Variants in CEBPZOS observed in about 807,000 individuals in gnomAD.
The protein encoded by CEBPZOS is CEBPZ opposite strand.
CEBPZOS carries 10 observed loss-of-function variants against 4.8 expected under a neutral mutation model. That is an observed-to-expected ratio of 2.07 (90% CI 1.28 to 3.52). The LOEUF is 3.52. Ranked by LOEUF, CEBPZOS falls within the 30% of genes most tolerant of loss-of-function variation. CEBPZOS has a pLI of 0.00. For missense variants in CEBPZOS, 98 were observed against 43.6 expected, an observed-to-expected ratio of 2.25 and a Z score of -3.51; for synonymous variants, 25 against 14.2, an observed-to-expected ratio of 1.77 and a Z score of -1.72.
chr2:37,215,319 A>G (rs1677842170), downstream of CEBPZOS: 1 of 158,014 alleles, frequency 6.3e-6, no homozygotes, highest in South Asian at 2.0e-4. Flanking sequence ...TGTCATTTTC[A>G]GCTCAAAAAA....
intron 4 of CEBPZOS, chr2:37,211,948 C>G (rs192503385): frequency 6.2e-7 from 1 of 1,613,756 alleles, no homozygotes; most frequent in East Asian, 2.2e-5. Flanking sequence ...GAAACTTCAT[C>G]GTCATCCAGG....
At chr2:37,208,129 A>G (rs1159702279), downstream of CEBPZOS, among the ~76,000 whole-genome samples, 3 of 152,218 alleles carry the variant, frequency 2.0e-5, no homozygotes, top group Non-Finnish European at 4.4e-5. Context: ...ACAGACCAAT[A>G]ACAAGTAGCA....
chr2:37,215,007 CTCAA>C, downstream of CEBPZOS: 1 of 1,139,524 alleles, frequency 8.8e-7, no homozygotes, highest in South Asian at 1.3e-5. Flanking sequence ...CTTTATGTTA[CTCAA>C]GCTCTTAAGA....
At chr2:37,199,398 C>T (rs1048580472) in intron 1 of CEBPZOS, among the ~76,000 whole-genome samples, 1 of 152,172 alleles carries the variant, frequency 6.6e-6, no homozygotes, top group African/African-American at 2.4e-5. Context: ...CTTCCCCATT[C>T]TGTTTTCCTA....
chr2:37,200,366 C>T (rs1175827157), intron 2 of CEBPZOS, among the ~76,000 whole-genome samples: 1 of 152,098 alleles, frequency 6.6e-6, no homozygotes, highest in Non-Finnish European at 1.5e-5. Context: ...ATAGACCTGG[C>T]ATGATAGCCA....
intron 1 of CEBPZOS, 107 bp from the exon 2 acceptor site, chr2:37,199,597 C>A: frequency 1.6e-6 from 1 of 639,970 alleles, no homozygotes; most frequent in Non-Finnish European, 2.9e-6. Context: ...TACTCCCATA[C>A]AGAGAAGCCA....
chr2:37,212,285 A>G (rs998859972), intron 4 of CEBPZOS: 2 of 1,524,064 alleles, frequency 1.3e-6, no homozygotes, highest in Non-Finnish European at 1.8e-6. Context: ...GAGGGACAAC[A>G]ATTTGGGAAA....
intron 4 of CEBPZOS, chr2:37,210,708 AC>A: frequency 3.8e-6 from 1 of 264,528 alleles, no homozygotes. Context: ...CTCAGAAATC[AC>A]TACTAAAGAA....
Position 37,203,033 on chromosome 2 carries a change from T to A in CEBPZOS, c.*1173T>A. 1 of 1,415,942 alleles carries A rather than the reference T, an allele frequency of 7.1e-7. No individual in the cohort carries two copies. The highest frequency in any genetic ancestry group is 9.6e-7 in the Non-Finnish European group (1 of 1,042,874). The allele number at this position is 1,415,942 out of a possible 1,614,324, so 87.7% of individuals were successfully genotyped here. The stretch of plus-strand genomic sequence containing the variant: ...CCTAAAAAAAATTGTAAGTCTACAT[T>A]ATTCAATTATAAATCTAATGATTTT... On this transcript the variant is annotated 3_prime_UTR_variant, in exon 5 of 5. Transcript: ENST00000402297.
At chr2:37,205,551 C>T (rs1656522716), downstream of CEBPZOS, among the ~76,000 whole-genome samples, 1 of 152,218 alleles carries the variant, frequency 6.6e-6, no homozygotes, top group Admixed American at 6.5e-5. Flanking sequence ...TTTTCGGACT[C>T]AGCCCGCCTG....
downstream of CEBPZOS, chr2:37,215,089 C>T: frequency 1.6e-6 from 1 of 629,188 alleles, no homozygotes; most frequent in Non-Finnish European, 2.8e-6. Context: ...AGAAGGGACT[C>T]TGGAGTGCAA....
intron 4 of CEBPZOS, among the ~76,000 whole-genome samples, chr2:37,213,060 A>G (rs1036980146): frequency 9.9e-5 from 15 of 151,662 alleles, no homozygotes; most frequent in Middle Eastern, 3.4e-3. Context: ...AAACAAACAA[A>G]CCCCCCAAAA....
chr2:37,201,713 A>G lies in CEBPZOS; in HGVS notation c.232A>G (p.Ser78Gly). ...RELDQKTWLN[S>G]KN The stretch of plus-strand genomic sequence containing the variant: ...GCTAGATCAAAAAACATGGTTGAAC[A>G]GCAAAAATTAGATGTAAGTAGAATT... The change falls in exon 4 of 5, where the codon AGC becomes GGC. Residue 78 changes from serine (S) to glycine (G), a missense_variant. Transcript: ENST00000402297. The G allele has an allele frequency of 9.0e-7, 1 of 1,114,220 alleles. No individual in the cohort carries two copies. Among genetic ancestry groups the G allele is most frequent in the Non-Finnish European group, 1.3e-6 (1 of 746,638 alleles). 69.0% of individuals were successfully genotyped at this position (1,114,220 alleles called of 1,614,324 possible).
intron 4 of CEBPZOS, chr2:37,211,426 C>T: frequency 4.3e-6 from 1 of 234,160 alleles, no homozygotes; most frequent in Non-Finnish European, 8.2e-6. Flanking sequence ...TGTGAAAGGA[C>T]AGAAAGGTCA....
At chr2:37,209,811 T>A (rs1322585944) in intron 4 of CEBPZOS, 1 of 152,090 alleles carries the variant, frequency 6.6e-6, no homozygotes, top group Non-Finnish European at 1.5e-5. Context: ...AGCGTCTGCA[T>A]AGCAAAATAA....
In CEBPZOS at chr2:37,204,105, T is replaced by G. The variant is rs1026390358; in HGVS notation, c.*2245T>G. Reference sequence around the variant, plus strand: ...TTACTTAACAGCTGTATAATACACATTTGCATGCATTAGGAAGTTTTTTTT... The same window carrying G: ...TTACTTAACAGCTGTATAATACACAGTTGCATGCATTAGGAAGTTTTTTTT... On this transcript the variant is annotated 3_prime_UTR_variant, in exon 5 of 5. Coordinates refer to ENST00000402297, the MANE Select transcript of CEBPZOS (RefSeq NM_001322374.2). 1 of 152,160 alleles carries G rather than the reference T, an allele frequency of 6.6e-6. No individual in the cohort carries two copies. The highest frequency in any genetic ancestry group is 1.9e-4 in the East Asian group (1 of 5,194). 9.4% of individuals were successfully genotyped at this position (152,160 alleles called of 1,614,324 possible).
At chr2:37,212,084 C>T in intron 4 of CEBPZOS, 1 of 1,518,182 alleles carries the variant, frequency 6.6e-7, no homozygotes, top group Non-Finnish European at 8.8e-7. Flanking sequence ...GCAGTATTTT[C>T]TAAAGTAGTG....
chr2:37,206,377 A>C (rs1420167856), downstream of CEBPZOS, among the ~76,000 whole-genome samples: 1 of 152,200 alleles, frequency 6.6e-6, no homozygotes, highest in Admixed American at 6.5e-5. Context: ...TCTTTTTTTG[A>C]GATGGAATCT....
chr2:37,210,950 C>A (rs1355110317), intron 4 of CEBPZOS: 2 of 1,316,614 alleles, frequency 1.5e-6, no homozygotes, highest in Non-Finnish European at 2.1e-6. Flanking sequence ...GATAATGACA[C>A]CTTTCACATG....
Sources: gnomAD v4.1 joint callset for allele counts (sites outside exome capture counted in the v4.1 genomes callset) on GRCh38, gnomAD v4.1.1 for gene constraint, MANE v1.5 for transcripts, NCBI Gene and HGNC (gene_info 2026-07-23, HGNC 2026-07-21) for gene names.